Variants in PTPRN2 observed in about 807,000 individuals in gnomAD.
The protein encoded by PTPRN2 is protein tyrosine phosphatase receptor type N2, also known as receptor-type tyrosine-protein phosphatase N2.
PTPRN2 carries 74 observed loss-of-function variants against 118.8 expected under a neutral mutation model. The ratio of observed to expected loss-of-function variants is 0.62; its 90% CI spans 0.52 to 0.76. The LOEUF (loss-of-function observed/expected upper bound fraction) is 0.76. PTPRN2 is among the 30% of genes least tolerant of loss of function. The pLI, the probability that PTPRN2 is intolerant of heterozygous loss-of-function variation, is 0.00. For missense variants in PTPRN2, 1,481 were observed against 1,394.4 expected (o/e 1.06, Z -0.99); for synonymous variants, 641 against 608.0 (o/e 1.05, Z -0.80).
intron 1 of PTPRN2, among the ~76,000 whole-genome samples, chr7:158,518,565 G>A (rs1823741233): frequency 6.6e-6 from 1 of 152,134 alleles, no homozygotes; most frequent in South Asian, 2.1e-4. Flanking sequence ...ATCAACAGAG[G>A]ATATAAACAG....
intron 3 of PTPRN2, among the ~76,000 whole-genome samples, chr7:158,313,375 C>A (rs1447422115): frequency 1.3e-5 from 2 of 152,222 alleles, no homozygotes; most frequent in Non-Finnish European, 2.9e-5. Flanking sequence ...TGTGTCCCCA[C>A]AATGCAGAAG....
chr7:158,345,962 G>A (rs547356683), intron 2 of PTPRN2, among the ~76,000 whole-genome samples: 8 of 152,120 alleles, frequency 5.3e-5, no homozygotes, highest in Non-Finnish European at 1.0e-4. Context: ...GAAACCACCC[G>A]CATGATCCAG....
Position 158,133,873 on chromosome 7 carries a change from T to C in PTPRN2, c.1360A>G (p.Lys454Glu). 1 of 1,613,946 alleles carries C rather than the reference T, an allele frequency of 6.2e-7. No homozygotes were observed. Among genetic ancestry groups the C allele is most frequent in the Non-Finnish European group, 8.5e-7 (1 of 1,180,038 alleles). ...VENVKSQTYS[K>E]DLLGQQPHSE... ...TGCGGCTGCTGCCCCAGCAGATCTT[T>C]GGAATACGTCTGGCTCTTGACGTTC... The change falls in exon 9 of 23, where the codon AAA (lysine) becomes GAA (glutamate). Residue 454 changes from lysine to glutamate, a missense_variant. By Grantham distance (56) the Lys-to-Glu change is moderately conservative. Coordinates refer to ENST00000389418, the MANE Select transcript of PTPRN2 (RefSeq NM_002847.5).
chr7:158,151,899 C>T (rs764128345), intron 6 of PTPRN2, among the ~76,000 whole-genome samples: 7 of 152,146 alleles, frequency 4.6e-5, no homozygotes, highest in East Asian at 1.9e-4. Context: ...TGCGGCCGGG[C>T]GCGGTGGCTC....
chr7:157,921,265 T>C (rs1798678382), intron 11 of PTPRN2, among the ~76,000 whole-genome samples: 1 of 152,116 alleles, frequency 6.6e-6, no homozygotes, highest in Admixed American at 6.5e-5. Flanking sequence ...GCTAAGACGT[T>C]CTGGAAAAGA....
chr7:157,742,060 C>G (rs561224183), intron 12 of PTPRN2, among the ~76,000 whole-genome samples: 1 of 152,302 alleles, frequency 6.6e-6, no homozygotes, highest in South Asian at 2.1e-4. Flanking sequence ...CCTAAATAAT[C>G]CAGCACGATT....
chr7:157,779,006 A>G lies in PTPRN2; in HGVS notation c.1789-96069T>C, dbSNP rs7803679. Among the ~76,000 whole-genome samples the G allele has an allele frequency of 0.2, 30,356 of 152,260 alleles. 4,141 individuals are homozygous for G. Among genetic ancestry groups the G allele is most frequent in the African/African-American group, 0.39 (16,204 of 41,508 alleles). ...TGCTGGAAACGGGCCACAGCGCTCA[A>G]GCAGAGCTCCGCTCACAGCCAGGTG... On this transcript the variant is annotated intron_variant, in intron 12 of 22. Transcript: ENST00000389418. The surrounding 1 kb of genome is among the most constrained non-coding windows in gnomAD (Gnocchi z 4.7).
intron 16 of PTPRN2, among the ~76,000 whole-genome samples, chr7:157,595,822 G>A (rs957075774): frequency 6.6e-6 from 1 of 152,202 alleles, no homozygotes; most frequent in African/African-American, 2.4e-5. Flanking sequence ...CAGCTGTCCC[G>A]AGCCTTGAGC....
intron 12 of PTPRN2, among the ~76,000 whole-genome samples, chr7:157,876,952 T>C (rs1055374664): frequency 4.6e-5 from 7 of 152,302 alleles, no homozygotes; most frequent in Admixed American, 1.3e-4. Context: ...ACGGCCTCGC[T>C]AGCCTTTACC....
At chr7:157,863,253 C>G (rs543568059) in intron 12 of PTPRN2, 4 of 152,378 alleles carry the variant, frequency 2.6e-5, no homozygotes, top group African/African-American at 9.6e-5. Flanking sequence ...TGTACGTCTG[C>G]AGGAGGGTAG....
intron 3 of PTPRN2, among the ~76,000 whole-genome samples, chr7:158,224,392 G>A (rs560795636): frequency 2.0e-5 from 3 of 152,240 alleles, no homozygotes; most frequent in South Asian, 4.1e-4. Context: ...CTGATGAACA[G>A]ATACAAATAA....
At chr7:157,748,056 T>G (rs1309005724) in intron 12 of PTPRN2, among the ~76,000 whole-genome samples, 1 of 137,610 alleles carries the variant, frequency 7.3e-6, no homozygotes, top group East Asian at 2.2e-4. Flanking sequence ...GTCCGGGTGA[T>G]TCTGAGGCCT....
intron 12 of PTPRN2, among the ~76,000 whole-genome samples, chr7:157,757,203 T>C (rs1801838856): frequency 6.7e-6 from 1 of 149,816 alleles, no homozygotes; most frequent in Non-Finnish European, 1.5e-5. Flanking sequence ...GCAGAGACCG[T>C]CGAGGAACCC....
chr7:158,580,774 C>T (rs556780166), intron 1 of PTPRN2, among the ~76,000 whole-genome samples: 9 of 152,244 alleles, frequency 5.9e-5, no homozygotes, highest in South Asian at 2.1e-4. Context: ...AAAAACCTGA[C>T]GGAAGCCCAG....
At chr7:158,215,910 G>A (rs1460044784) in intron 3 of PTPRN2, among the ~76,000 whole-genome samples, 1 of 152,118 alleles carries the variant, frequency 6.6e-6, no homozygotes, top group Non-Finnish European at 1.5e-5. Flanking sequence ...TATAAAAAAA[G>A]GAATTTTGGA....
intron 11 of PTPRN2, among the ~76,000 whole-genome samples, chr7:158,017,118 A>G (rs1032809216): frequency 6.6e-6 from 1 of 152,256 alleles, no homozygotes; most frequent in Admixed American, 6.5e-5. Flanking sequence ...CAAAGGGCCC[A>G]GTGGTGCTTC....
intron 2 of PTPRN2, among the ~76,000 whole-genome samples, chr7:158,364,912 C>T (rs1227288902): frequency 6.6e-6 from 1 of 152,132 alleles, no homozygotes; most frequent in Non-Finnish European, 1.5e-5. Context: ...GAGCAGGCAG[C>T]TAACAGCAAC....
intron 4 of PTPRN2, among the ~76,000 whole-genome samples, chr7:158,202,325 C>A (rs1328882608): frequency 6.6e-6 from 1 of 152,176 alleles, no homozygotes; most frequent in Non-Finnish European, 1.5e-5. Flanking sequence ...CTCTCCTGGG[C>A]AGGGCCTCAT....
At chr7:157,790,326 G>T (rs1422079850) in intron 12 of PTPRN2, among the ~76,000 whole-genome samples, 1 of 151,786 alleles carries the variant, frequency 6.6e-6, no homozygotes, top group Non-Finnish European at 1.5e-5. Flanking sequence ...TGGTGCGGGG[G>T]TGGCAGGATG....
Sources: allele counts gnomAD v4.1 joint callset (sites outside exome capture counted in the v4.1 genomes callset), GRCh38; gene constraint gnomAD v4.1.1; non-coding constraint Gnocchi (gnomAD v3.1); transcripts MANE v1.5; gene names NCBI Gene and HGNC (gene_info 2026-07-23, HGNC 2026-07-21).